NFIA: variants seen among roughly 807,000 people sequenced by gnomAD.
NFIA encodes the protein nuclear factor I A.
Under a neutral mutation model 62.8 loss-of-function variants are expected in NFIA, and 8 were observed. The observed-to-expected ratio is 0.13, with a 90% CI of 0.07 to 0.23. NFIA has a LOEUF of 0.23. Among genes scored for constraint, NFIA ranks in the 10% least tolerant of loss-of-function variants. The pLI, the probability that NFIA is intolerant of heterozygous loss-of-function variation, is 1.00. For missense variants in NFIA, 410 were observed against 642.1 expected (o/e 0.64, Z 3.91); for synonymous variants, 235 against 238.1 (o/e 0.99, Z 0.12).
intron 2 of NFIA, among the ~76,000 whole-genome samples, chr1:61,230,896 G>A (rs768781199): frequency 6.6e-6 from 1 of 152,186 alleles, no homozygotes; most frequent in Non-Finnish European, 1.5e-5. Context: ...TGGCTTCACA[G>A]TGTGGAAAAC....
intron 6 of NFIA, among the ~76,000 whole-genome samples, chr1:61,371,187 A>G (rs541840369): frequency 6.6e-6 from 1 of 152,286 alleles, no homozygotes; most frequent in South Asian, 2.1e-4. Flanking sequence ...TATATAAGCA[A>G]CACTTCATGT....
At chr1:61,353,722 C>A (rs2100432819) in intron 5 of NFIA, among the ~76,000 whole-genome samples, 1 of 152,258 alleles carries the variant, frequency 6.6e-6, no homozygotes, top group Non-Finnish European at 1.5e-5. Flanking sequence ...ACCTTGAAGA[C>A]AGTTAAAGAA....
chr1:61,235,833 GAAAAA>G (rs1206479763), intron 2 of NFIA, among the ~76,000 whole-genome samples: 1 of 150,830 alleles, frequency 6.6e-6, no homozygotes, highest in African/African-American at 2.4e-5. Flanking sequence ...AAAAGAAAAA[GAAAAA>G]GAAAGAGACA....
chr1:61,082,612 A>C lies in NFIA; in HGVS notation c.-180A>C. ...GCAATAGCGCTGGCTGGCTGGCTGCAGTTGAGCCGACTTGGAAATGTGAAC... is the reference window on the plus strand; with the variant it reads ...GCAATAGCGCTGGCTGGCTGGCTGCCGTTGAGCCGACTTGGAAATGTGAAC... On this transcript the variant is annotated 5_prime_UTR_variant, in exon 1 of 11. Transcript: ENST00000403491. 2 of 1,495,714 alleles carry C rather than the reference A, an allele frequency of 1.3e-6. No individual in the cohort carries two copies. Among genetic ancestry groups the C allele is most frequent in the Admixed American group, 2.1e-5 (1 of 46,632 alleles). The allele number at this position is 1,495,714 out of a possible 1,614,324, so 92.7% of individuals were successfully genotyped here. A position where few individuals can be genotyped will look rare whatever the true frequency, so the allele number is the denominator to read the frequency against.
intron 10 of NFIA, among the ~76,000 whole-genome samples, chr1:61,447,074 C>T (rs1667843250): frequency 6.6e-6 from 1 of 152,082 alleles, no homozygotes; most frequent in Non-Finnish European, 1.5e-5. Flanking sequence ...TTTCATAGCT[C>T]CCCAGGAAGT....
chr1:61,287,160 A>G (rs1658556249), intron 3 of NFIA, among the ~76,000 whole-genome samples: 1 of 152,206 alleles, frequency 6.6e-6, no homozygotes, highest in Non-Finnish European at 1.5e-5. Context: ...ACACTGTGAT[A>G]GTCACTGTTC....
intron 2 of NFIA, among the ~76,000 whole-genome samples, chr1:61,227,439 C>G (rs938042991): frequency 4.6e-5 from 7 of 152,104 alleles, no homozygotes; most frequent in African/African-American, 1.7e-4. Context: ...AAGACTGATT[C>G]GTTCTTTTTA....
chr1:61,197,444 G>A (rs1338059073), intron 2 of NFIA, among the ~76,000 whole-genome samples: 1 of 150,908 alleles, frequency 6.6e-6, no homozygotes, highest in East Asian at 2.0e-4. Context: ...TCACTGAGTT[G>A]GCCAGGCTGG....
At chr1:61,238,652 C>T (rs931854008) in intron 2 of NFIA, among the ~76,000 whole-genome samples, 5 of 152,098 alleles carry the variant, frequency 3.3e-5, no homozygotes, top group African/African-American at 7.2e-5. Flanking sequence ...AGTTTGGCAG[C>T]GCACTAAGTT....
At chr1:61,110,652 G>A (rs1490893854) in intron 2 of NFIA, among the ~76,000 whole-genome samples, 1 of 152,024 alleles carries the variant, frequency 6.6e-6, no homozygotes, top group Admixed American at 6.6e-5. Flanking sequence ...GTGGGTAAGT[G>A]TATCTACATT....
At chr1:61,242,616 T>C (rs181610670) in intron 2 of NFIA, among the ~76,000 whole-genome samples, 3 of 152,284 alleles carry the variant, frequency 2.0e-5, no homozygotes, top group Non-Finnish European at 4.4e-5. Flanking sequence ...CTTTAAAAAA[T>C]AGACAGATAA....
At chr1:61,381,410 T>C (rs12567014) in intron 6 of NFIA, among the ~76,000 whole-genome samples, 14,579 of 152,174 alleles carry the variant, frequency 0.096, 904 homozygotes, top group East Asian at 0.32. Context: ...CATCCTACAT[T>C]AGAACTTTGG....
At chr1:61,156,911 G>T (rs920866012) in intron 2 of NFIA, among the ~76,000 whole-genome samples, 16 of 152,214 alleles carry the variant, frequency 1.1e-4, no homozygotes, top group Non-Finnish European at 1.8e-4. Flanking sequence ...GCCTGCTGGG[G>T]TTGGAGTTCT....
intron 7 of NFIA, among the ~76,000 whole-genome samples, chr1:61,389,477 T>C (rs1664860153): frequency 6.6e-6 from 1 of 152,184 alleles, no homozygotes; most frequent in African/African-American, 2.4e-5. Flanking sequence ...GGGATAAATA[T>C]GCTGGTTGAC....
intron 2 of NFIA, among the ~76,000 whole-genome samples, chr1:61,264,556 C>T (rs796912319): frequency 4.1e-5 from 6 of 144,942 alleles, no homozygotes; most frequent in African/African-American, 1.5e-4. Context: ...GAGGCTGAGA[C>T]GGGAGAATTG....
At chr1:61,150,448 G>A (rs935977997) in intron 2 of NFIA, among the ~76,000 whole-genome samples, 4 of 152,200 alleles carry the variant, frequency 2.6e-5, no homozygotes, top group African/African-American at 9.6e-5. Flanking sequence ...GACATTTTGG[G>A]GCATCCTTTC....
Position 61,459,800 on chromosome 1 carries a change from C to A in NFIA, c.*4480C>A, listed in dbSNP as rs560316956. Reference sequence around the variant, plus strand: ...TGACAAAACCTGGATAAGGAAAAACCTTTTTTTTCTATGAATTTTTTTTGT... The same window carrying A: ...TGACAAAACCTGGATAAGGAAAAACATTTTTTTTCTATGAATTTTTTTTGT... On this transcript the variant is annotated 3_prime_UTR_variant, in exon 11 of 11. Coordinates refer to ENST00000403491, the MANE Select transcript of NFIA (RefSeq NM_001134673.4). 1.3e-5 allele frequency: 2 copies of A among 151,914 alleles called. No homozygotes were observed. Among genetic ancestry groups the A allele is most frequent in the East Asian group, 3.9e-4 (2 of 5,166 alleles). 9.4% of individuals were successfully genotyped at this position (151,914 alleles called of 1,614,324 possible). A position where few individuals can be genotyped will look rare whatever the true frequency, so the allele number is the denominator to read the frequency against.
At chr1:61,276,436 G>A (rs1406417511) in intron 2 of NFIA, among the ~76,000 whole-genome samples, 3 of 152,166 alleles carry the variant, frequency 2.0e-5, no homozygotes, top group Non-Finnish European at 4.4e-5. Flanking sequence ...TTGCAGAAAT[G>A]TGGTTAAATT....
At chr1:61,372,108 T>C (rs1663916883) in intron 6 of NFIA, among the ~76,000 whole-genome samples, 1 of 152,152 alleles carries the variant, frequency 6.6e-6, no homozygotes, top group Admixed American at 6.6e-5. Flanking sequence ...ATGAGCAGTT[T>C]TTAGTTTAAG....
Sources: allele counts gnomAD v4.1 joint callset (sites outside exome capture counted in the v4.1 genomes callset), GRCh38; gene constraint gnomAD v4.1.1; transcripts MANE v1.5; gene names NCBI Gene and HGNC (gene_info 2026-07-23, HGNC 2026-07-21).